The following PPP2R2B variants were observed in gnomAD, a reference collection of about 807,000 sequenced individuals.
PPP2R2B encodes protein phosphatase 2 regulatory subunit Bbeta.
A neutral mutation model predicts 46.0 loss-of-function variants in PPP2R2B; 5 were observed. The observed-to-expected ratio is 0.11, with a 90% CI of 0.06 to 0.23. The LOEUF (loss-of-function observed/expected upper bound fraction) is 0.23. Among genes scored for constraint, PPP2R2B ranks in the 10% least tolerant of loss-of-function variants. The pLI, the probability that PPP2R2B is intolerant of heterozygous loss-of-function variation, is 1.00. For missense variants in PPP2R2B, 367 were observed against 575.0 expected, an observed-to-expected ratio of 0.64 and a Z score of 3.70; for synonymous variants, 215 against 206.7, an observed-to-expected ratio of 1.04 and a Z score of -0.34.
rs3062352 is a variant in PPP2R2B, at chr5:146,934,583, GAAAAAAAAAAAAA to G, written c.79+121069_79+121081del. 1.3e-3 allele frequency among the ~76,000 whole-genome samples: 41 copies of G among 31,498 alleles called. 1 individual carries two copies. Among genetic ancestry groups the G allele is most frequent in the Admixed American group, 9.7e-3 (26 of 2,668 alleles). The allele number at this position is 31,498 out of a possible 152,430, so 20.7% of individuals were successfully genotyped here. A position where few individuals can be genotyped will look rare whatever the true frequency, so the allele number is the denominator to read the frequency against. The stretch of plus-strand genomic sequence containing the variant: ...AGTTAGAAGAGGTAGTTTTTCATAA[GAAAAAAAAAAAAA>G]AAAAAAAAAAAAAAAAGAACGTGTT... On this transcript the variant is annotated intron_variant, in intron 1 of 8. Coordinates refer to the PPP2R2B transcript ENST00000336640.
upstream of PPP2R2B, among the ~76,000 whole-genome samples, chr5:146,883,303 G>A (rs10038236): frequency 2.0e-3 from 299 of 152,294 alleles, 1 homozygote; most frequent in African/African-American, 6.8e-3. Context: ...GTTTGGCTCA[G>A]AGCCAGCCTT....
intron 1 of PPP2R2B, among the ~76,000 whole-genome samples, chr5:146,939,569 G>C (rs972028157): frequency 6.6e-6 from 1 of 152,048 alleles, no homozygotes; most frequent in Non-Finnish European, 1.5e-5. Context: ...AAACTTTTTG[G>C]TGGCCTAGGC....
chr5:146,874,898 AT>A (rs1561978661), intron 2 of PPP2R2B, among the ~76,000 whole-genome samples: 1 of 152,170 alleles, frequency 6.6e-6, no homozygotes, highest in Non-Finnish European at 1.5e-5. Context: ...CCCTTCCTCT[AT>A]ATAACCCCAT....
chr5:146,984,924 CT>C (rs995206558), intron 1 of PPP2R2B, among the ~76,000 whole-genome samples: 4 of 148,988 alleles, frequency 2.7e-5, no homozygotes, highest in Non-Finnish European at 6.0e-5. Flanking sequence ...AAATTCTGTT[CT>C]TTGTTTTCTT....
At chr5:146,782,257 C>A (rs1006225400) in intron 2 of PPP2R2B, among the ~76,000 whole-genome samples, 3 of 152,146 alleles carry the variant, frequency 2.0e-5, no homozygotes, top group Non-Finnish European at 4.4e-5. Context: ...AATGCAGGAA[C>A]GATCTATTAC....
chr5:146,644,261 A>AAAAAAAAAAG (rs1554118466), intron 6 of PPP2R2B, among the ~76,000 whole-genome samples: 1 of 76,100 alleles, frequency 1.3e-5, no homozygotes, highest in African/African-American at 4.6e-5. Flanking sequence ...AAAAAAAAAA[A>AAAAAAAAAAG]AAGAAGAAGA....
At chr5:146,684,288 A>G (rs2151141856) in intron 5 of PPP2R2B, among the ~76,000 whole-genome samples, 1 of 152,348 alleles carries the variant, frequency 6.6e-6, no homozygotes, top group East Asian at 1.9e-4. Flanking sequence ...TTATCAAAGC[A>G]TATACCGAAA....
chr5:146,682,485 G>T (rs1174642909), intron 5 of PPP2R2B, among the ~76,000 whole-genome samples: 2 of 152,160 alleles, frequency 1.3e-5, no homozygotes, highest in East Asian at 1.9e-4. Context: ...TCTGGAGTCA[G>T]CTTGAACCTG....
chr5:146,998,383 A>T (rs1297990264), intron 1 of PPP2R2B, among the ~76,000 whole-genome samples: 1 of 152,204 alleles, frequency 6.6e-6, no homozygotes, highest in South Asian at 2.1e-4. Context: ...TCCTTAATTG[A>T]GTCGGACAAT....
intron 1 of PPP2R2B, among the ~76,000 whole-genome samples, chr5:146,947,759 C>T (rs1287041266): frequency 1.3e-5 from 2 of 151,822 alleles, no homozygotes; most frequent in East Asian, 4.0e-4. Context: ...CACCATCTAC[C>T]ACTTCCTTCT....
intron 2 of PPP2R2B, among the ~76,000 whole-genome samples, chr5:147,074,042 A>G (rs1029537716): frequency 3.9e-5 from 6 of 152,048 alleles, no homozygotes; most frequent in African/African-American, 1.5e-4. Context: ...TCTCAAAAAA[A>G]AAAAAAAAGA....
At chr5:146,670,476 A>AT (rs1777273136) in intron 5 of PPP2R2B, among the ~76,000 whole-genome samples, 17 of 144,262 alleles carry the variant, frequency 1.2e-4, no homozygotes, top group Admixed American at 7.7e-4. Flanking sequence ...TATGTGTACT[A>AT]TTATTTATTT....
intron 2 of PPP2R2B, among the ~76,000 whole-genome samples, chr5:146,802,985 A>C (rs2151307512): frequency 6.6e-6 from 1 of 152,270 alleles, no homozygotes; most frequent in Non-Finnish European, 1.5e-5. Context: ...AGGAGCTGGA[A>C]CCAGAGCCAT....
intron 2 of PPP2R2B, among the ~76,000 whole-genome samples, chr5:147,077,264 G>T (rs1757804646): frequency 8.1e-6 from 1 of 123,272 alleles, no homozygotes; most frequent in Non-Finnish European, 1.7e-5. Context: ...ATACATATAT[G>T]TATGTGTGTA....
At chr5:146,861,047 A>ATTTTTTTTTTTTTTTTTTTT (rs869248861) in intron 2 of PPP2R2B, among the ~76,000 whole-genome samples, 1 of 132,174 alleles carries the variant, frequency 7.6e-6, no homozygotes. Flanking sequence ...TTCAAACTGA[A>ATTTTTTTTTTTTTTTTTTTT]TTTTTTCTTT....
intron 1 of PPP2R2B, among the ~76,000 whole-genome samples, chr5:146,907,161 C>G (rs1763027918): frequency 1.3e-5 from 2 of 151,912 alleles, no homozygotes. Context: ...CCTAAATTAT[C>G]AGCTTAAGTC....
intron 1 of PPP2R2B, among the ~76,000 whole-genome samples, chr5:146,921,420 G>A (rs777733062): frequency 6.6e-6 from 1 of 152,216 alleles, no homozygotes; most frequent in African/African-American, 2.4e-5. Flanking sequence ...TCTCATGTGA[G>A]GTGGGACAGA....
intron 2 of PPP2R2B, among the ~76,000 whole-genome samples, chr5:146,783,951 T>C (rs1436331921): frequency 6.6e-6 from 1 of 152,206 alleles, no homozygotes; most frequent in Admixed American, 6.5e-5. Flanking sequence ...TATCTTTGTG[T>C]GTGTACCTGT....
chr5:146,736,466 G>A (rs554481079), intron 2 of PPP2R2B, among the ~76,000 whole-genome samples: 35 of 152,208 alleles, frequency 2.3e-4, no homozygotes, highest in African/African-American at 7.5e-4. Flanking sequence ...ACTGAGGCCC[G>A]GAGAGATAAC....
Sources: allele counts gnomAD v4.1 joint callset (sites outside exome capture counted in the v4.1 genomes callset), GRCh38; gene constraint gnomAD v4.1.1; transcripts MANE v1.5; gene names NCBI Gene and HGNC (gene_info 2026-07-23, HGNC 2026-07-21).